The following ATP9B variants were observed in gnomAD, a reference collection of about 807,000 sequenced individuals.
ATP9B encodes probable phospholipid-transporting ATPase IIB.
In ATP9B, 110 loss-of-function variants were observed where a neutral mutation model predicts 146.1. The ratio of observed to expected loss-of-function variants is 0.75; its 90% CI spans 0.65 to 0.88. The LOEUF (loss-of-function observed/expected upper bound fraction) is 0.88, where lower values mean the gene tolerates loss of function less well. ATP9B is among the 40% of genes least tolerant of loss of function. ATP9B has a pLI of 0.00. For synonymous variants in ATP9B, 604 were observed against 569.7 expected (o/e 1.06, Z -0.86); for missense variants, 1,499 against 1,496.4 (o/e 1.00, Z -0.03).
chr18:79,196,294 A>T (rs1445480184), intron 9 of ATP9B, among the ~76,000 whole-genome samples: 1 of 152,218 alleles, frequency 6.6e-6, no homozygotes, highest in Non-Finnish European at 1.5e-5. Flanking sequence ...GAATAATCTT[A>T]CAGAGGATTA....
At chr18:79,155,086 G>A (rs35175468) in intron 7 of ATP9B, among the ~76,000 whole-genome samples, 10,277 of 152,168 alleles carry the variant, frequency 0.068, 413 homozygotes, top group Non-Finnish European at 0.096. Context: ...TTTATTCAGC[G>A]ATTCAGCAAA....
At chr18:79,264,728 C>T (rs1361532612) in intron 12 of ATP9B, among the ~76,000 whole-genome samples, 1 of 151,356 alleles carries the variant, frequency 6.6e-6, no homozygotes, top group African/African-American at 2.4e-5. Flanking sequence ...CATATTTCTG[C>T]AAACCAATTG....
chr18:79,353,964 G>C (rs1329460305), intron 25 of ATP9B: 1 of 152,170 alleles, frequency 6.6e-6, no homozygotes, highest in East Asian at 1.9e-4. Context: ...AGTTCTCTAA[G>C]CATGTAGATA....
chr18:79,203,761 G>A (rs1255806905), intron 9 of ATP9B, among the ~76,000 whole-genome samples: 6 of 152,198 alleles, frequency 3.9e-5, no homozygotes, highest in Non-Finnish European at 8.8e-5. Flanking sequence ...AATTGGCTGT[G>A]CCAACGCTGG....
rs617890 is a variant in ATP9B at position 79,110,347 on chromosome 18, T to G, written c.294-8T>G. 149,533 of 1,578,056 alleles carry G rather than the reference T, an allele frequency of 0.095. 9,007 individuals are homozygous for G. Among genetic ancestry groups the G allele is most frequent in the African/African-American group, 0.27 (19,759 of 73,114 alleles). On this transcript the variant is annotated splice_polypyrimidine_tract_variant and splice_region_variant and intron_variant, in intron 2 of 29. Coordinates refer to ENST00000426216, the MANE Select transcript of ATP9B (RefSeq NM_198531.5). The stretch of plus-strand genomic sequence containing the variant: ...AAATACACAATACGTATCTTTTGTT[T>G]CATACAGTTGCTGTGGTTGGCTGAT...
intron 15 of ATP9B, among the ~76,000 whole-genome samples, chr18:79,317,952 CG>C (rs2096691229): frequency 6.6e-6 from 1 of 152,150 alleles, no homozygotes; most frequent in African/African-American, 2.4e-5. Context: ...GGGGATGTGT[CG>C]GAGGGACACA....
intron 4 of ATP9B, among the ~76,000 whole-genome samples, chr18:79,123,424 T>C (rs2094224199): frequency 6.6e-6 from 1 of 151,974 alleles, no homozygotes; most frequent in Admixed American, 6.6e-5. Flanking sequence ...TGGAAAGTCA[T>C]GTTCATGAGT....
intron 8 of ATP9B, among the ~76,000 whole-genome samples, chr18:79,183,713 T>G (rs1410516080): frequency 1.3e-5 from 2 of 151,890 alleles, no homozygotes; most frequent in Non-Finnish European, 2.9e-5. Context: ...ATAATTAGTT[T>G]TAAAATAATT....
At chr18:79,212,160 A>G (rs907111928) in intron 10 of ATP9B, among the ~76,000 whole-genome samples, 18 of 152,194 alleles carry the variant, frequency 1.2e-4, no homozygotes, top group Non-Finnish European at 1.5e-5. Flanking sequence ...TGTCCCAAAT[A>G]TTTCTGCACT....
intron 9 of ATP9B, among the ~76,000 whole-genome samples, chr18:79,194,981 G>C (rs1184404992): frequency 6.6e-6 from 1 of 152,138 alleles, no homozygotes; most frequent in East Asian, 1.9e-4. Flanking sequence ...GTGACGTTGG[G>C]GGAATGTATA....
At chr18:79,110,531 G>C (rs1283208170) in intron 3 of ATP9B, 26 bp downstream of exon 3, 2 of 1,585,774 alleles carry the variant, frequency 1.3e-6, no homozygotes, top group Non-Finnish European at 1.7e-6. Context: ...TCTTGGAGAT[G>C]GGTTGTGTGT....
intron 7 of ATP9B, among the ~76,000 whole-genome samples, chr18:79,159,215 A>G (rs2094840819): frequency 1.3e-5 from 2 of 150,730 alleles, no homozygotes; most frequent in African/African-American, 2.4e-5. Flanking sequence ...CTGCTTGTTT[A>G]AAAAATCAGC....
At chr18:79,249,520 AAG>A (rs1437899825) in intron 11 of ATP9B, among the ~76,000 whole-genome samples, 34 of 152,348 alleles carry the variant, frequency 2.2e-4, no homozygotes, top group African/African-American at 8.2e-4. Context: ...TAATTACTTC[AAG>A]TGATTAATAT....
chr18:79,269,725 C>T (rs1442855524), intron 12 of ATP9B, among the ~76,000 whole-genome samples: 1 of 152,204 alleles, frequency 6.6e-6, no homozygotes, highest in Admixed American at 6.5e-5. Context: ...CTAAGACATA[C>T]ACACTTGCTT....
At chr18:79,098,192 A>G (rs2074968038) in intron 2 of ATP9B, among the ~76,000 whole-genome samples, 1 of 152,164 alleles carries the variant, frequency 6.6e-6, no homozygotes, top group South Asian at 2.1e-4. Context: ...CCATATGTAG[A>G]AAGCTGAAAC....
intron 11 of ATP9B, among the ~76,000 whole-genome samples, chr18:79,231,965 T>C (rs777030166): frequency 3.3e-5 from 5 of 151,992 alleles, no homozygotes; most frequent in Non-Finnish European, 5.9e-5. Flanking sequence ...AAGCTATGAA[T>C]ATGCAAAGGC....
chr18:79,179,390 T>G (rs916180772), intron 8 of ATP9B, among the ~76,000 whole-genome samples: 15 of 152,134 alleles, frequency 9.9e-5, no homozygotes, highest in Non-Finnish European at 1.9e-4. Context: ...CTTATTATTT[T>G]CTATTTATAA....
chr18:79,094,299 G>A (rs680252), intron 1 of ATP9B, among the ~76,000 whole-genome samples: 20,066 of 152,126 alleles, frequency 0.13, 1,923 homozygotes, highest in African/African-American at 0.27. Context: ...ACAGAATTAG[G>A]GCATCCCTCG....
chr18:79,176,982 T>C (rs950004245), intron 8 of ATP9B, 75 bp downstream of exon 8: 38 of 1,236,456 alleles, frequency 3.1e-5, no homozygotes, highest in Non-Finnish European at 4.2e-5. Flanking sequence ...TTTCTGTTTA[T>C]ACCAGCTAAT....
Sources: allele counts gnomAD v4.1 joint callset (sites outside exome capture counted in the v4.1 genomes callset), GRCh38; gene constraint gnomAD v4.1.1; transcripts MANE v1.5; gene names NCBI Gene and HGNC (gene_info 2026-07-23, HGNC 2026-07-21).